SAFB2: variants seen among roughly 807,000 people sequenced by gnomAD.
SAFB2 encodes scaffold attachment factor B2.
SAFB2 carries 32 observed loss-of-function variants against 100.6 expected under a neutral mutation model. That is an observed-to-expected ratio of 0.32 (90% CI 0.24 to 0.43). The LOEUF (loss-of-function observed/expected upper bound fraction) is 0.43. Among genes scored for constraint, SAFB2 ranks in the 20% least tolerant of loss-of-function variants. The pLI is 1.00. For synonymous variants in SAFB2, 500 were observed against 439.4 expected (o/e 1.14, Z -1.72); for missense variants, 1,185 against 1,163.4 (o/e 1.02, Z -0.27).
At chr19:5,601,711 A>AAAATAAAT (rs10647558) in intron 11 of SAFB2, among the ~76,000 whole-genome samples, 24,849 of 144,602 alleles carry the variant, frequency 0.17, 2,331 homozygotes, top group Middle Eastern at 0.26. Context: ...ACTCCATCTC[A>AAAATAAAT]AAATAAATAA....
chr19:5,596,052 C>T (rs2052529995), intron 13 of SAFB2, among the ~76,000 whole-genome samples: 1 of 152,332 alleles, frequency 6.6e-6, no homozygotes, highest in South Asian at 2.1e-4. Context: ...ATCACAACAT[C>T]AGGAGTTCGA....
chr19:5,622,453 CG>C, intron 1 of SAFB2, 76 bp downstream of exon 1: 1 of 1,393,850 alleles, frequency 7.2e-7, no homozygotes, highest in African/African-American at 1.5e-5. Flanking sequence ...GCCCCGGGTC[CG>C]GGAGCCGCGG....
rs138330957 is a variant in SAFB2 at position 5,590,407 on chromosome 19, T to A, written c.2396A>T (p.His799Leu). ...GTGGCCATGGCGGTCATCTCCATAG[T>A]GCTGGAAGGCAGGAGAGGAACAGGG... ...PMMGDHRDGQHYGDDRHGHGG... is the reference protein window; with the variant it reads ...PMMGDHRDGQLYGDDRHGHGG... The change falls in exon 18 of 21, where the codon CAC becomes CTC. Residue 799 changes from histidine (H) to leucine (L), a missense_variant and splice_region_variant. Physicochemically the swap from His to Leu is moderately conservative, Grantham distance 99 (BLOSUM62 -3). Transcript: ENST00000252542. The A allele has an allele frequency of 2.5e-6, 4 of 1,606,896 alleles. No individual in the cohort carries two copies. Among genetic ancestry groups the A allele is most frequent in the African/African-American group, 1.3e-5 (1 of 74,700 alleles).
chr19:5,606,717 GA>G (rs1190698194), intron 9 of SAFB2, among the ~76,000 whole-genome samples: 6 of 152,176 alleles, frequency 3.9e-5, no homozygotes, highest in Non-Finnish European at 7.4e-5. Context: ...AAGGAACAAA[GA>G]TTAAATTAAC....
At chr19:5,614,173 G>A (rs569978683) in intron 4 of SAFB2, among the ~76,000 whole-genome samples, 53 of 152,212 alleles carry the variant, frequency 3.5e-4, no homozygotes, top group African/African-American at 1.3e-3. Context: ...GGCTGGTCTT[G>A]AACTCCTGAC....
Position 5,598,833 on chromosome 19 carries a change from G to C in SAFB2, c.1742C>G (p.Pro581Arg). 1 of 1,614,060 alleles carries C rather than the reference G, an allele frequency of 6.2e-7. No individual in the cohort carries two copies. Among genetic ancestry groups the C allele is most frequent in the Non-Finnish European group, 8.5e-7 (1 of 1,180,002 alleles). Reference sequence around the variant, plus strand: ...GCTTGTGGTTTTCACGCTAATGACGGGCTCTCCTTTCGATTTATCCATCAC... The same window carrying C: ...GCTTGTGGTTTTCACGCTAATGACGCGCTCTCCTTTCGATTTATCCATCAC... ...TVVMDKSKGE[P>R]VISVKTTSRS... is the part of the protein sequence containing the mutation. The change falls in exon 13 of 21, where the codon CCC becomes CGC. Residue 581 changes from proline to arginine, a missense_variant. Physicochemically the swap from Pro to Arg is moderately radical, Grantham distance 103. Coordinates refer to ENST00000252542, the MANE Select transcript of SAFB2 (RefSeq NM_014649.3).
chr19:5,616,910 A>G (rs1422290555), intron 2 of SAFB2, among the ~76,000 whole-genome samples: 2 of 152,224 alleles, frequency 1.3e-5, no homozygotes, highest in Admixed American at 1.3e-4. Context: ...TCGGTCTCCC[A>G]AAGTGCTGGG....
chr19:5,618,498 C>A (rs1287958360), intron 2 of SAFB2, among the ~76,000 whole-genome samples: 2 of 152,230 alleles, frequency 1.3e-5, no homozygotes, highest in African/African-American at 4.8e-5. Context: ...TTTTTCCAGT[C>A]TATCATTTAA....
intron 11 of SAFB2, among the ~76,000 whole-genome samples, chr19:5,601,485 C>T (rs1338720344): frequency 1.3e-5 from 2 of 151,902 alleles, no homozygotes; most frequent in Non-Finnish European, 2.9e-5. Context: ...CCAAGGTAGG[C>T]GGATCACAAG....
At chr19:5,611,740 A>G in intron 6 of SAFB2, 110 bp from the exon 7 acceptor site, 2 of 463,844 alleles carry the variant, frequency 4.3e-6, no homozygotes, top group Non-Finnish European at 4.1e-6. Context: ...GAGAACTGCT[A>G]GCTACACAGA....
At position 5,592,791 on chromosome 19, in the gene SAFB2, G is replaced by C. The variant is rs144359368; in HGVS notation, c.2304C>G (p.Phe768Leu). The C allele has an allele frequency of 6.2e-7, 1 of 1,614,052 alleles. No individual in the cohort carries two copies. The highest frequency in any genetic ancestry group is 1.3e-5 in the African/African-American group (1 of 74,934). ...FPRPDHRFHD[F>L]DHRDRGQYQD... ...GGTACTGGCCCCGGTCTCGATGATCGAAGTCGTGAAAGCGGTGGTCTGGCC... is the reference window on the plus strand; with the variant it reads ...GGTACTGGCCCCGGTCTCGATGATCCAAGTCGTGAAAGCGGTGGTCTGGCC... Residue 768 changes from phenylalanine to leucine, a missense_variant, in exon 16 of 21, where the codon TTC becomes TTG. Phe to Leu is a conservative substitution (Grantham distance 22, BLOSUM62 0). Around this residue, in one of 3 missense-constraint regions of SAFB2, gnomAD observed 740 missense variants for 687.1 expected, o/e 1.08. Coordinates refer to ENST00000252542, the MANE Select transcript of SAFB2 (RefSeq NM_014649.3).
At position 5,587,271 on chromosome 19, in the gene SAFB2, G is replaced by A. The variant is rs751553537; in HGVS notation, c.2834C>T (p.Pro945Leu). The A allele has an allele frequency of 1.9e-5, 31 of 1,604,702 alleles. 1 individual carries two copies. Among genetic ancestry groups the A allele is most frequent in the Admixed American group, 1.2e-4 (7 of 59,412 alleles). The change falls in exon 21 of 21, where the codon CCG becomes CTG. Residue 945 changes from proline (P) to leucine (L), a missense_variant. Transcript: ENST00000252542. The surrounding 1 kb of genome is among the most constrained non-coding windows in gnomAD (Gnocchi z 4.9). ...GTAGCGGCGGGTGAAGTGGGGGTAC[G>A]GGGGGGGATGAGGGTGTGGGTGAGG... ...RVPHPHPHPPPYPHFTRRY is the reference protein window; with the variant it reads ...RVPHPHPHPPLYPHFTRRY
At chr19:5,608,307 A>G (rs1034362006) in intron 9 of SAFB2, among the ~76,000 whole-genome samples, 3 of 152,176 alleles carry the variant, frequency 2.0e-5, no homozygotes, top group African/African-American at 4.8e-5. Context: ...TAATACGCTC[A>G]TCACAACACA....
intron 9 of SAFB2, among the ~76,000 whole-genome samples, chr19:5,607,820 A>G (rs2052809492): frequency 6.6e-6 from 1 of 152,206 alleles, no homozygotes; most frequent in African/African-American, 2.4e-5. Flanking sequence ...TGGAACCCAC[A>G]AGCTTGAGGT....
At chr19:5,603,645 G>A (rs1278674901) in intron 11 of SAFB2, among the ~76,000 whole-genome samples, 1 of 151,562 alleles carries the variant, frequency 6.6e-6, no homozygotes. Context: ...GGTACCCCAA[G>A]GTGCCACCGT....
At chr19:5,617,723 C>A (rs575086304) in intron 2 of SAFB2, among the ~76,000 whole-genome samples, 1 of 152,280 alleles carries the variant, frequency 6.6e-6, no homozygotes, top group African/African-American at 2.4e-5. Context: ...TACTCCCCAA[C>A]CCCAGAGAAT....
At chr19:5,607,034 G>A (rs1458303930) in intron 9 of SAFB2, among the ~76,000 whole-genome samples, 2 of 152,178 alleles carry the variant, frequency 1.3e-5, no homozygotes, top group African/African-American at 4.8e-5. Flanking sequence ...GGCCGAGGTG[G>A]GAGGATCACG....
intron 13 of SAFB2, among the ~76,000 whole-genome samples, chr19:5,598,081 G>A (rs2052569336): frequency 6.8e-6 from 1 of 146,960 alleles, no homozygotes; most frequent in Non-Finnish European, 1.5e-5. Context: ...GTTGCAGTGA[G>A]CAGAGATCAC....
chr19:5,614,254 G>C (rs942048712), intron 4 of SAFB2, among the ~76,000 whole-genome samples: 1 of 151,930 alleles, frequency 6.6e-6, no homozygotes, highest in Admixed American at 6.6e-5. Flanking sequence ...CGCCTGGCCC[G>C]CCTAGCCTAC....
Sources: allele counts gnomAD v4.1 joint callset (sites outside exome capture counted in the v4.1 genomes callset), GRCh38; gene constraint gnomAD v4.1.1; regional missense constraint gnomAD v4.1.1; non-coding constraint Gnocchi (gnomAD v3.1); transcripts MANE v1.5; gene names NCBI Gene and HGNC (gene_info 2026-07-23, HGNC 2026-07-21).